KCNK9: variants seen among roughly 807,000 people sequenced by gnomAD.
KCNK9 encodes the protein potassium two pore domain channel subfamily K member 9.
Under a neutral mutation model 10.8 loss-of-function variants are expected in KCNK9, and 1 was observed. That is an observed-to-expected ratio of 0.09 (90% confidence interval 0.03 to 0.44). The LOEUF is 0.44. KCNK9 is among the 20% of genes least tolerant of loss of function. KCNK9 has a pLI of 0.97. For synonymous variants in KCNK9, 231 were observed against 222.7 expected, an observed-to-expected ratio of 1.04 and a Z score of -0.33; for missense variants, 303 against 515.0, an observed-to-expected ratio of 0.59 and a Z score of 3.98.
rs1817419900 is a variant in KCNK9 at position 139,603,557 on chromosome 8, C to T, written c.*1-1956G>A. Among the ~76,000 whole-genome samples, 4 of 152,302 alleles carry T rather than the reference C, an allele frequency of 2.6e-5. No individual in the cohort carries two copies. The South Asian group carries it at 8.3e-4, about 32-fold the overall frequency. On this transcript the variant is annotated intron_variant, in intron 2 of 2. Coordinates refer to the KCNK9 transcript ENST00000650269. ...CCTTACTTGGTTGTTAGGGGAAAGGCCTCTGAGTAGGCCTGTCTACAATGA... is the reference window on the plus strand; with the variant it reads ...CCTTACTTGGTTGTTAGGGGAAAGGTCTCTGAGTAGGCCTGTCTACAATGA...
chr8:139,607,185 C>T (rs1417174791), intron 2 of KCNK9, among the ~76,000 whole-genome samples: 3 of 152,170 alleles, frequency 2.0e-5, no homozygotes, highest in Non-Finnish European at 2.9e-5. Flanking sequence ...TAAAATTCCA[C>T]GTGAGAAAGT....
At chr8:139,601,679 G>T (rs1474859392) in intron 2 of KCNK9, 1 of 152,134 alleles carries the variant, frequency 6.6e-6, no homozygotes, top group East Asian at 1.9e-4. Context: ...ATGAAATATT[G>T]CTTAAAAGTC....
At chr8:139,606,997 C>T (rs551132001) in intron 2 of KCNK9, among the ~76,000 whole-genome samples, 2 of 152,242 alleles carry the variant, frequency 1.3e-5, no homozygotes, top group South Asian at 2.1e-4. Flanking sequence ...ACACACAAAA[C>T]GGCTGTCAAA....
At chr8:139,601,683 A>T (rs1156478600) in intron 2 of KCNK9, 1 of 152,248 alleles carries the variant, frequency 6.6e-6, no homozygotes, top group Non-Finnish European at 1.5e-5. Context: ...AATATTGCTT[A>T]AAAGTCCCTG....
chr8:139,609,661 G>A (rs180868957), downstream of KCNK9, among the ~76,000 whole-genome samples: 40 of 152,348 alleles, frequency 2.6e-4, no homozygotes, highest in East Asian at 4.2e-3. Flanking sequence ...CTCATGTGGT[G>A]AGGACGGGAG....
chr8:139,625,607 C>A (rs779374269), intron 1 of KCNK9, among the ~76,000 whole-genome samples: 48 of 152,336 alleles, frequency 3.2e-4, no homozygotes, highest in Non-Finnish European at 4.7e-4. Context: ...CACAGCATCA[C>A]CCAGCCTGAT....
intron 1 of KCNK9, among the ~76,000 whole-genome samples, chr8:139,635,399 C>T (rs1003120991): frequency 2.0e-5 from 3 of 152,184 alleles, no homozygotes; most frequent in Non-Finnish European, 2.9e-5. Flanking sequence ...AAAGGGCCAG[C>T]GGAGGGGACC....
intron 1 of KCNK9, among the ~76,000 whole-genome samples, chr8:139,657,139 C>T (rs1459782191): frequency 6.6e-6 from 1 of 152,216 alleles, no homozygotes; most frequent in Non-Finnish European, 1.5e-5. Context: ...GAAGCCTCCA[C>T]TTGTCTCTCT....
intron 1 of KCNK9, among the ~76,000 whole-genome samples, chr8:139,664,729 T>C (rs1816256236): frequency 6.6e-6 from 1 of 152,178 alleles, no homozygotes; most frequent in African/African-American, 2.4e-5. Context: ...CATCCCAGCC[T>C]GGTGTCATGG....
intron 1 of KCNK9, among the ~76,000 whole-genome samples, chr8:139,676,091 G>A (rs1353928663): frequency 1.3e-5 from 2 of 152,260 alleles, no homozygotes; most frequent in Admixed American, 1.3e-4. Flanking sequence ...CAAGATGGAA[G>A]GAGCCTGGGG....
chr8:139,669,892 C>A (rs1468188226), intron 1 of KCNK9, among the ~76,000 whole-genome samples: 1 of 152,214 alleles, frequency 6.6e-6, no homozygotes, highest in African/African-American at 2.4e-5. Flanking sequence ...ACTCCTTAAT[C>A]CATGGGCTGC....
chr8:139,643,058 G>T (rs1171437902), intron 1 of KCNK9, among the ~76,000 whole-genome samples: 1 of 152,090 alleles, frequency 6.6e-6, no homozygotes, highest in African/African-American at 2.4e-5. Context: ...GAGCCCCTGT[G>T]GTCCCCCTGC....
downstream of KCNK9, chr8:139,612,746 G>A (rs1221126304): frequency 3.3e-5 from 5 of 152,196 alleles, no homozygotes; most frequent in African/African-American, 1.2e-4. Flanking sequence ...GAGGTCCCCA[G>A]AGAGCCAAAC....
At position 139,693,068 on chromosome 8, in the gene KCNK9, TC is replaced by T. The variant is rs1317672104; in HGVS notation, c.283+9641del. Among the ~76,000 whole-genome samples, 6 of 152,146 alleles carry T rather than the reference TC, an allele frequency of 3.9e-5. No homozygotes were observed. The East Asian group carries it at 1.2e-3, about 29-fold the overall frequency. On this transcript the variant is annotated intron_variant, in intron 1 of 1. Coordinates refer to ENST00000520439, the MANE Select transcript of KCNK9 (RefSeq NM_001282534.2). This position sits in a 1 kb window ranked among gnomAD's most constrained non-coding sequence, Gnocchi z 4.1. ...ACCCCAGCCCCACCTGACAAGCTCA[TC>T]CCAGATGTATGCCCACCTTCCACAC...
At chr8:139,674,775 G>A (rs1816511700) in intron 1 of KCNK9, among the ~76,000 whole-genome samples, 1 of 152,170 alleles carries the variant, frequency 6.6e-6, no homozygotes, top group Non-Finnish European at 1.5e-5. Flanking sequence ...TGACCCTGGG[G>A]CCTAGCAGCA....
chr8:139,630,207 C>T (rs1261783138), intron 1 of KCNK9, among the ~76,000 whole-genome samples: 2 of 152,130 alleles, frequency 1.3e-5, no homozygotes, highest in Non-Finnish European at 2.9e-5. Flanking sequence ...AATTTTGCAA[C>T]GCGCATTTTA....
chr8:139,604,505 AG>A (rs1342943551), intron 2 of KCNK9, among the ~76,000 whole-genome samples: 1 of 152,144 alleles, frequency 6.6e-6, no homozygotes, highest in Non-Finnish European at 1.5e-5. Context: ...GGAGAGCACA[AG>A]CCGGGCACGC....
chr8:139,605,528 C>T (rs1166513874), intron 2 of KCNK9, among the ~76,000 whole-genome samples: 3 of 152,218 alleles, frequency 2.0e-5, no homozygotes, highest in Non-Finnish European at 4.4e-5. Context: ...GGACTGTCCA[C>T]CTTGCACTCT....
At chr8:139,649,329 C>T (rs1017487139) in intron 1 of KCNK9, among the ~76,000 whole-genome samples, 2 of 152,192 alleles carry the variant, frequency 1.3e-5, no homozygotes, top group Admixed American at 1.3e-4. Context: ...CCTGGGGCAC[C>T]GGTTGGCTCC....
Sources: gnomAD v4.1 joint callset for allele counts (sites outside exome capture counted in the v4.1 genomes callset) on GRCh38, gnomAD v4.1.1 for gene constraint, Gnocchi (gnomAD v3.1) non-coding constraint, MANE v1.5 for transcripts, NCBI Gene and HGNC (gene_info 2026-07-23, HGNC 2026-07-21) for gene names.